Variants in ZZEF1 observed in about 807,000 individuals in gnomAD.
ZZEF1 encodes the protein zinc finger ZZ-type and EF-hand domain-containing protein 1.
Under a neutral mutation model 342.8 loss-of-function variants are expected in ZZEF1, and 157 were observed. The ratio of observed to expected loss-of-function variants is 0.46; its 90% CI spans 0.40 to 0.52. The LOEUF (loss-of-function observed/expected upper bound fraction) is 0.52. Ranked by LOEUF, ZZEF1 falls within the 20% of genes least tolerant of loss-of-function variation. The pLI is 0.00. For missense variants in ZZEF1, 3,480 were observed against 3,725.6 expected, an observed-to-expected ratio of 0.93 and a Z score of 1.72; for synonymous variants, 1,505 against 1,429.1, an observed-to-expected ratio of 1.05 and a Z score of -1.20.
At chr17:4,114,267 T>G in intron 4 of ZZEF1, 32 bp downstream of exon 4, 1 of 1,471,180 alleles carries the variant, frequency 6.8e-7, no homozygotes, top group Non-Finnish European at 9.0e-7. Flanking sequence ...TCCAAAATTT[T>G]AAAAAACAAA....
rs2056862626 is a variant in ZZEF1 at position 4,044,253 on chromosome 17, G to A, written c.6137C>T (p.Ala2046Val). 1 of 1,614,176 alleles carries A rather than the reference G, an allele frequency of 6.2e-7. No individual in the cohort carries two copies. Among genetic ancestry groups the A allele is most frequent in the African/African-American group, 1.3e-5 (1 of 75,066 alleles). ...SCQTQISDSP[A>V]DASPPTGLPD... ...AAGTCCTGTAGGTGGGCTAGCATCT[G>A]CAGGTGAATCTGAAATTTGGGTCTG... Residue 2046 changes from alanine to valine, a missense_variant, in exon 38 of 55, where the codon GCA (alanine) becomes GTA (valine). Ala to Val is a moderately conservative substitution (Grantham distance 64). This residue lies in a region of ZZEF1 where 1,269 missense variants were observed against 1,342.4 expected (regional missense o/e 0.95). Transcript: ENST00000381638.
intron 53 of ZZEF1, 175 bp from the exon 54 acceptor site, chr17:4,009,129 CCCGGTG>C: frequency 2.6e-6 from 2 of 781,906 alleles, no homozygotes; most frequent in Non-Finnish European, 4.0e-6. Context: ...GAGCCAGGTG[CCCGGTG>C]CCGGGGTCAC....
At chr17:4,129,504 T>A (rs550276190) in intron 1 of ZZEF1, among the ~76,000 whole-genome samples, 1 of 152,236 alleles carries the variant, frequency 6.6e-6, no homozygotes, top group South Asian at 2.1e-4. Flanking sequence ...ACAGACTGGA[T>A]GAAGAAAATG....
intron 9 of ZZEF1, among the ~76,000 whole-genome samples, chr17:4,097,477 G>GA (rs1174680383): frequency 1.2e-3 from 17 of 13,872 alleles, no homozygotes; most frequent in Non-Finnish European, 1.9e-3. Context: ...TTTGAAATGG[G>GA]AAAAAAAAAA....
At chr17:4,135,902 C>T (rs1197336220) in intron 1 of ZZEF1, among the ~76,000 whole-genome samples, 1 of 151,514 alleles carries the variant, frequency 6.6e-6, no homozygotes, top group East Asian at 1.9e-4. Flanking sequence ...ATACATTTTG[C>T]ATCATGACCT....
intron 26 of ZZEF1, among the ~76,000 whole-genome samples, chr17:4,068,981 CAGAA>C (rs2057457290): frequency 6.6e-6 from 1 of 152,278 alleles, no homozygotes; most frequent in Middle Eastern, 3.4e-3. Context: ...AAGGCAGAGA[CAGAA>C]AGAACTAAGA....
chr17:4,102,720 G>T (rs1006757901), intron 8 of ZZEF1, among the ~76,000 whole-genome samples: 1 of 151,918 alleles, frequency 6.6e-6, no homozygotes, highest in African/African-American at 2.4e-5. Context: ...GAACACATTT[G>T]GGGGGGTGAT....
chr17:4,050,984 C>T lies in ZZEF1; in HGVS notation c.5660G>A (p.Arg1887Gln), dbSNP rs753291181. 1.7e-5 allele frequency: 27 copies of T among 1,614,046 alleles called. No individual in the cohort carries two copies. The highest frequency in any genetic ancestry group is 8.0e-5 in the African/African-American group (6 of 74,918). ...GATATATGGCTGGATGAGCCTCTGC[C>T]GGTCACTGATCCGAATGGTTACCAT... is the stretch of plus-strand genomic sequence containing the variant. ...HPMVTIRISD[R>Q]QRLIQPYIHN... The change falls in exon 36 of 55, where the codon CGG becomes CAG. Residue 1887 changes from arginine to glutamine, a missense_variant. Physicochemically the swap from Arg to Gln is conservative, Grantham distance 43. Transcript: ENST00000381638.
intron 5 of ZZEF1, among the ~76,000 whole-genome samples, chr17:4,110,118 T>C (rs1406164519): frequency 6.6e-6 from 1 of 152,190 alleles, no homozygotes; most frequent in African/African-American, 2.4e-5. Flanking sequence ...CAAAACTTCT[T>C]AGGAACTTAG....
At chr17:4,068,172 T>A (rs938966945) in intron 26 of ZZEF1, among the ~76,000 whole-genome samples, 2 of 152,156 alleles carry the variant, frequency 1.3e-5, no homozygotes, top group African/African-American at 2.4e-5. Flanking sequence ...TCCAGGTAAA[T>A]AGAAAAACAT....
chr17:4,056,643 T>A (rs2057166010), intron 32 of ZZEF1: 1 of 175,824 alleles, frequency 5.7e-6, no homozygotes, highest in Non-Finnish European at 1.2e-5. Flanking sequence ...ACCTACTATG[T>A]GCCAGGCACT....
Position 4,088,129 on chromosome 17 carries a change from C to T in ZZEF1, c.2241+549G>A, listed in dbSNP as rs115741063. 5.7e-3 allele frequency among the ~76,000 whole-genome samples: 871 copies of T among 152,216 alleles called. 9 individuals are homozygous for T. The highest frequency in any genetic ancestry group is 0.02 in the African/African-American group (838 of 41,520). ...TGGACACTGCTATACACTACACATG[C>T]GAGGGCTCCACCCACTGAACTCCCG... is the stretch of plus-strand genomic sequence containing the variant. On this transcript the variant is annotated intron_variant, in intron 13 of 54. Coordinates refer to ENST00000381638, the MANE Select transcript of ZZEF1 (RefSeq NM_015113.4).
At chr17:4,067,078 G>T in intron 27 of ZZEF1, 85 bp downstream of exon 27, 2 of 1,147,818 alleles carry the variant, frequency 1.7e-6, no homozygotes, top group Non-Finnish European at 1.3e-6. Flanking sequence ...CTATATTCTT[G>T]AGAAGAGAAC....
chr17:4,099,487 G>A (rs1418611778), intron 9 of ZZEF1, among the ~76,000 whole-genome samples: 3 of 151,356 alleles, frequency 2.0e-5, no homozygotes, highest in African/African-American at 4.9e-5. Flanking sequence ...CTCCCAAAGT[G>A]TCGGGGTTAC....
At chr17:4,116,419 T>C (rs907393742) in intron 3 of ZZEF1, among the ~76,000 whole-genome samples, 1 of 152,248 alleles carries the variant, frequency 6.6e-6, no homozygotes, top group African/African-American at 2.4e-5. Context: ...ACTGACTTTA[T>C]CTGGTACTAT....
intron 54 of ZZEF1, among the ~76,000 whole-genome samples, chr17:4,007,767 C>T (rs2055840204): frequency 6.6e-6 from 1 of 152,140 alleles, no homozygotes; most frequent in African/African-American, 2.4e-5. Context: ...GGGGCATTTC[C>T]ACTTCCGAGC....
chr17:4,040,218 C>T (rs1328989582), intron 39 of ZZEF1, among the ~76,000 whole-genome samples: 3 of 152,144 alleles, frequency 2.0e-5, no homozygotes, highest in African/African-American at 7.2e-5. Flanking sequence ...TGTAGCCTTT[C>T]CTCAAAAAGT....
At chr17:4,024,654 T>G (rs1207841829) in intron 43 of ZZEF1, among the ~76,000 whole-genome samples, 1 of 152,198 alleles carries the variant, frequency 6.6e-6, no homozygotes, top group African/African-American at 2.4e-5. Context: ...AACTTTTCAA[T>G]TTTTCTTCTC....
rs907281940 is a variant in ZZEF1 at position 4,083,067 on chromosome 17, C to T, written c.2647-563G>A. Among the ~76,000 whole-genome samples the T allele has an allele frequency of 2.2e-4, 34 of 152,198 alleles. 2 individuals are homozygous for T. The highest frequency in any genetic ancestry group is 6.5e-5 in the Admixed American group (1 of 15,286). ...CTGGGATTACAGGCGTGAGCCACCGCACCCAGCTGATAATATACTTTTTGC... is the reference window on the plus strand; with the variant it reads ...CTGGGATTACAGGCGTGAGCCACCGTACCCAGCTGATAATATACTTTTTGC... On this transcript the variant is annotated intron_variant, in intron 16 of 54. Coordinates refer to ENST00000381638, the MANE Select transcript of ZZEF1 (RefSeq NM_015113.4).
Sources: gnomAD v4.1 joint callset for allele counts (sites outside exome capture counted in the v4.1 genomes callset) on GRCh38, gnomAD v4.1.1 for gene constraint, gnomAD v4.1.1 regional missense constraint, MANE v1.5 for transcripts, NCBI Gene and HGNC (gene_info 2026-07-23, HGNC 2026-07-21) for gene names.